GRIN3A: variants seen among roughly 807,000 people sequenced by gnomAD.
The protein encoded by GRIN3A is glutamate ionotropic receptor NMDA type subunit 3A.
In GRIN3A, 47 loss-of-function variants were observed where a neutral mutation model predicts 92.4. That is an observed-to-expected ratio of 0.51 (90% confidence interval 0.40 to 0.65). The LOEUF (loss-of-function observed/expected upper bound fraction) is 0.65. GRIN3A is among the 30% of genes least tolerant of loss of function. GRIN3A has a pLI of 0.00. For synonymous variants in GRIN3A, 527 were observed against 540.6 expected, an observed-to-expected ratio of 0.97 and a Z score of 0.35; for missense variants, 1,324 against 1,393.1, an observed-to-expected ratio of 0.95 and a Z score of 0.79.
intron 1 of GRIN3A, among the ~76,000 whole-genome samples, chr9:101,720,943 G>A (rs1460952535): frequency 5.3e-5 from 8 of 152,278 alleles, no homozygotes; most frequent in African/African-American, 1.9e-4. Context: ...ACAGACTCCT[G>A]TGACACAAGT....
Position 101,738,102 on chromosome 9 carries a change from C to A in GRIN3A, c.-123G>T. On this transcript the variant is annotated 5_prime_UTR_variant, in exon 1 of 9. Transcript: ENST00000361820. ...GCTTCACTCCACTCGGTGAAGCGGT[C>A]CCAGGAGCTGGAGCGGTCTCTAGGC... The A allele has an allele frequency of 1.2e-6, 1 of 853,380 alleles. No homozygotes were observed. The highest frequency in any genetic ancestry group is 1.9e-6 in the Non-Finnish European group (1 of 526,370). 52.9% of individuals were successfully genotyped at this position (853,380 alleles called of 1,614,324 possible). A position where few individuals can be genotyped will look rare whatever the true frequency, so the allele number is the denominator to read the frequency against.
chr9:101,653,629 A>AT (rs1238151392), intron 3 of GRIN3A, among the ~76,000 whole-genome samples: 1 of 151,670 alleles, frequency 6.6e-6, no homozygotes, highest in Non-Finnish European at 1.5e-5. Flanking sequence ...ACCAAAAACC[A>AT]TTTTTTCCTG....
intron 3 of GRIN3A, among the ~76,000 whole-genome samples, chr9:101,661,869 G>A (rs552824310): frequency 6.6e-6 from 1 of 151,970 alleles, no homozygotes; most frequent in South Asian, 2.1e-4. Flanking sequence ...CACTAAGGTT[G>A]AGAAATATCA....
chr9:101,599,171 G>A (rs56073506), intron 6 of GRIN3A, among the ~76,000 whole-genome samples: 22,048 of 152,216 alleles, frequency 0.14, 2,078 homozygotes, highest in Non-Finnish European at 0.21. Context: ...ACCTACACAT[G>A]CTTCATCTAC....
At chr9:101,628,047 C>T (rs1828656868) in intron 4 of GRIN3A, among the ~76,000 whole-genome samples, 1 of 152,228 alleles carries the variant, frequency 6.6e-6, no homozygotes, top group Non-Finnish European at 1.5e-5. Context: ...CAACTTGAGA[C>T]TATGCAGGTC....
chr9:101,645,356 T>C (rs1165208761), intron 3 of GRIN3A, among the ~76,000 whole-genome samples: 6 of 151,836 alleles, frequency 4.0e-5, no homozygotes, highest in Non-Finnish European at 7.4e-5. Flanking sequence ...TAGTGTTCCA[T>C]TGTGTATGTC....
chr9:101,587,581 A>G (rs1182676004), intron 6 of GRIN3A, among the ~76,000 whole-genome samples: 1 of 152,220 alleles, frequency 6.6e-6, no homozygotes, highest in African/African-American at 2.4e-5. Flanking sequence ...TCTGAAAAGT[A>G]ACTTAATTAC....
chr9:101,733,229 T>G (rs957178598), intron 1 of GRIN3A, among the ~76,000 whole-genome samples: 4 of 152,196 alleles, frequency 2.6e-5, no homozygotes, highest in African/African-American at 9.6e-5. Context: ...AGTGATACTC[T>G]TCTGGCAAGC....
chr9:101,627,883 C>T (rs1447846651), intron 4 of GRIN3A, among the ~76,000 whole-genome samples: 8 of 152,170 alleles, frequency 5.3e-5, no homozygotes, highest in Non-Finnish European at 8.8e-5. Context: ...GGAAGGAAAA[C>T]GTTGCCTTGG....
At chr9:101,708,365 G>T (rs1250886534) in intron 1 of GRIN3A, among the ~76,000 whole-genome samples, 1 of 152,140 alleles carries the variant, frequency 6.6e-6, no homozygotes, top group Non-Finnish European at 1.5e-5. Context: ...TTTTGAATAA[G>T]ATAATGTGGT....
At chr9:101,699,688 G>A (rs1829730770) in intron 1 of GRIN3A, among the ~76,000 whole-genome samples, 2 of 152,134 alleles carry the variant, frequency 1.3e-5, no homozygotes, top group Admixed American at 1.3e-4. Flanking sequence ...GACTATGCAT[G>A]AGCCATCACA....
intron 3 of GRIN3A, among the ~76,000 whole-genome samples, chr9:101,653,722 C>T (rs914591559): frequency 9.2e-5 from 14 of 151,702 alleles, no homozygotes; most frequent in African/African-American, 3.4e-4. Context: ...TTGTTTTCAC[C>T]TTCCACTTAT....
At chr9:101,712,734 T>C (rs1463807855) in intron 1 of GRIN3A, among the ~76,000 whole-genome samples, 1 of 152,174 alleles carries the variant, frequency 6.6e-6, no homozygotes. Context: ...TTGCACAAAC[T>C]ACCAGCTAGT....
At chr9:101,730,199 A>T (rs1450741424) in intron 1 of GRIN3A, among the ~76,000 whole-genome samples, 1 of 152,154 alleles carries the variant, frequency 6.6e-6, no homozygotes, top group African/African-American at 2.4e-5. Context: ...TTGCGGGTAC[A>T]CTTCAGTGAA....
Position 101,573,302 on chromosome 9 carries a change from A to G in GRIN3A, c.3220T>C (p.Ser1074Pro). 1 of 1,613,986 alleles carries G rather than the reference A, an allele frequency of 6.2e-7. No homozygotes were observed. Among genetic ancestry groups the G allele is most frequent in the Non-Finnish European group, 8.5e-7 (1 of 1,179,972 alleles). Residue 1074 changes from serine (S) to proline (P), a missense_variant, in exon 9 of 9, where the codon TCA (serine) becomes CCA (proline). Transcript: ENST00000361820. ...KADSLNVSRN[S>P]VMQELSELEK... ...AGCTCTGAGAGTTCCTGCATCACTG[A>G]GTTCCGAGATACATTTAGGGAGTCT...
chr9:101,584,296 T>G (rs1384666578), intron 6 of GRIN3A, among the ~76,000 whole-genome samples: 1 of 152,228 alleles, frequency 6.6e-6, no homozygotes, highest in African/African-American at 2.4e-5. Context: ...GCTCATGTAT[T>G]TCATTTTTCT....
chr9:101,605,313 G>A (rs774091153), intron 6 of GRIN3A, among the ~76,000 whole-genome samples: 1 of 152,212 alleles, frequency 6.6e-6, no homozygotes, highest in African/African-American at 2.4e-5. Context: ...GCACTTTGAT[G>A]TATGTGATCT....
intron 6 of GRIN3A, among the ~76,000 whole-genome samples, chr9:101,588,469 G>C (rs1471586916): frequency 6.6e-6 from 1 of 152,040 alleles, no homozygotes; most frequent in Admixed American, 6.5e-5. Flanking sequence ...CTGTTTCTTG[G>C]GATTCTTGAG....
At chr9:101,681,030 A>T (rs1405138217) in intron 2 of GRIN3A, among the ~76,000 whole-genome samples, 3 of 152,190 alleles carry the variant, frequency 2.0e-5, no homozygotes, top group Non-Finnish European at 4.4e-5. Flanking sequence ...TAAAGAAAAG[A>T]TAAGTGTTGA....
Sources: gnomAD v4.1 joint callset for allele counts (sites outside exome capture counted in the v4.1 genomes callset) on GRCh38, gnomAD v4.1.1 for gene constraint, MANE v1.5 for transcripts, NCBI Gene and HGNC (gene_info 2026-07-23, HGNC 2026-07-21) for gene names.